The following CCNB1IP1 variants were observed in gnomAD, a reference collection of about 807,000 sequenced individuals.
The protein encoded by CCNB1IP1 is cyclin B1 interacting protein 1.
In CCNB1IP1, 14 loss-of-function variants were observed where a neutral mutation model predicts 25.6. That is an observed-to-expected ratio of 0.55 (90% CI 0.36 to 0.85). The LOEUF is 0.85. CCNB1IP1 is among the 40% of genes least tolerant of loss of function. CCNB1IP1 has a pLI of 0.01. For synonymous variants in CCNB1IP1, 119 were observed against 116.1 expected, an observed-to-expected ratio of 1.02 and a Z score of -0.16; for missense variants, 278 against 342.4, an observed-to-expected ratio of 0.81 and a Z score of 1.48.
At chr14:20,322,185 T>C (rs1346961306) in intron 4 of CCNB1IP1, among the ~76,000 whole-genome samples, 1 of 152,196 alleles carries the variant, frequency 6.6e-6, no homozygotes, top group Non-Finnish European at 1.5e-5. Context: ...ATTCCAGGTT[T>C]TACAATTAAA....
At chr14:20,331,519 G>A (rs1313500080) in intron 1 of CCNB1IP1, among the ~76,000 whole-genome samples, 1 of 151,954 alleles carries the variant, frequency 6.6e-6, no homozygotes, top group Non-Finnish European at 1.5e-5. Flanking sequence ...TTTTAAACAA[G>A]AATATACCAA....
In CCNB1IP1 at chr14:20,311,664, C is replaced by T. The variant is rs372100580; in HGVS notation, c.720G>A (p.Ala240=). The T allele has an allele frequency of 2.1e-4, 339 of 1,613,818 alleles. 3 individuals carry two copies. The South Asian group carries it at 3.4e-3, about 16-fold the overall frequency. Residue 240 remains alanine, a synonymous_variant, in exon 7 of 7, where the codon GCG becomes GCA. Transcript: ENST00000358932. ...DGDFQFRPFF[A]GSPTAPEPSN... ...TGGGTTCAGGTGCTGTGGGAGAACC[C>T]GCAAAAAATGGTCTGAACTGAAAAT... is the stretch of plus-strand genomic sequence containing the variant.
At chr14:20,316,589 T>G (rs1048919499) in intron 4 of CCNB1IP1, 29 bp from the exon 5 acceptor site, 1 of 1,290,122 alleles carries the variant, frequency 7.8e-7, no homozygotes, top group Non-Finnish European at 1.1e-6. Flanking sequence ...AAAGGCCAAG[T>G]AAGTTAAATT....
Position 20,311,505 on chromosome 14 carries a change from C to A in CCNB1IP1, c.*45G>T. The A allele has an allele frequency of 6.5e-7, 1 of 1,540,078 alleles. No individual in the cohort carries two copies. Among genetic ancestry groups the A allele is most frequent in the Non-Finnish European group, 9.0e-7 (1 of 1,115,018 alleles). ...GCTCAAGTGATCCTCCCAGCCTCAA[C>A]CTCCTAAGTAGCTGGGATCACAGGT... On this transcript the variant is annotated 3_prime_UTR_variant, in exon 7 of 7. Coordinates refer to ENST00000358932, the MANE Select transcript of CCNB1IP1 (RefSeq NM_021178.5).
chr14:20,323,017 A>G (rs1882945500), intron 4 of CCNB1IP1, among the ~76,000 whole-genome samples: 1 of 152,224 alleles, frequency 6.6e-6, no homozygotes, highest in Non-Finnish European at 1.5e-5. Context: ...ATGACTTTAG[A>G]GTATAATGTT....
chr14:20,321,728 C>T lies in CCNB1IP1; in HGVS notation c.-38+3811G>A, dbSNP rs147615932. On this transcript the variant is annotated intron_variant, in intron 4 of 6. Transcript: ENST00000358932. ...CGGCCTTCTGAAGTGCTGGGATCAT[C>T]GGCGTGATCAAGAATCTTAATTTAA... is the stretch of plus-strand genomic sequence containing the variant. Among the ~76,000 whole-genome samples the T allele has an allele frequency of 9.5e-3, 1,447 of 152,180 alleles. 14 individuals are homozygous for T. The highest frequency in any genetic ancestry group is 0.011 in the Non-Finnish European group (723 of 67,988).
intron 1 of CCNB1IP1, among the ~76,000 whole-genome samples, chr14:20,331,980 A>T (rs531273751): frequency 5.8e-5 from 7 of 121,180 alleles, no homozygotes; most frequent in South Asian, 2.8e-4. Flanking sequence ...CCTATTCAAA[A>T]ATATATATAT....
Position 20,311,748 on chromosome 14 carries a change from GT to G in CCNB1IP1, c.635del (p.Asn212ThrfsTer51). ...QSGVLGFPLGNNSKFPLDNTP... is the reference protein window; with the variant it reads ...QSGVLGFPLGXNSKFPLDNTP... ...TATTATCCAAAGGAAACTTGGAGTT[GT>G]TACCTAGGGCAGAAAAAAAGGAAAA... On this transcript the variant is annotated frameshift_variant, in exon 7 of 7. Transcript: ENST00000358932. LOFTEE classifies it high-confidence loss of function. 1 of 1,612,208 alleles carries G rather than the reference GT, an allele frequency of 6.2e-7. No individual in the cohort carries two copies. Among genetic ancestry groups the G allele is most frequent in the Non-Finnish European group, 8.5e-7 (1 of 1,178,622 alleles).
chr14:20,317,520 TAAG>T (rs1319497149), intron 4 of CCNB1IP1: 1 of 152,308 alleles, frequency 6.6e-6, no homozygotes, highest in Non-Finnish European at 1.5e-5. Context: ...CAGCCACAGT[TAAG>T]ATTAAGAGGC....
chr14:20,325,059 C>T (rs1020887038), intron 4 of CCNB1IP1, among the ~76,000 whole-genome samples: 3 of 151,914 alleles, frequency 2.0e-5, no homozygotes, highest in African/African-American at 4.8e-5. Flanking sequence ...ACAATCCACC[C>T]ACCTCGGCCT....
chr14:20,312,612 T>C (rs1174794586), intron 6 of CCNB1IP1, among the ~76,000 whole-genome samples: 1 of 152,062 alleles, frequency 6.6e-6, no homozygotes, highest in Non-Finnish European at 1.5e-5. Flanking sequence ...GGCTTCACTT[T>C]TTTGTATGCC....
chr14:20,319,030 C>G (rs1026100942), intron 4 of CCNB1IP1: 1 of 152,244 alleles, frequency 6.6e-6, no homozygotes, highest in Non-Finnish European at 1.5e-5. Flanking sequence ...CCCAACGTGC[C>G]GGGATTACAG....
Position 20,313,754 on chromosome 14 carries a change from C to A in CCNB1IP1, c.345G>T (p.Glu115Asp). 6.2e-7 allele frequency: 1 copy of A among 1,602,344 alleles called. No homozygotes were observed. Among genetic ancestry groups the A allele is most frequent in the Non-Finnish European group, 8.5e-7 (1 of 1,174,664 alleles). The change falls in exon 6 of 7, where the codon GAG becomes GAT. Residue 115 changes from glutamate (E) to aspartate (D), a missense_variant. Coordinates refer to ENST00000358932, the MANE Select transcript of CCNB1IP1 (RefSeq NM_021178.5). ...TCTTCTCCATCTGTTTCAGATGGCC[C>A]TCAGCCTTGCTGAAATTGTATTCTT... ...LYQEYNFSKA[E>D]GHLKQMEKIY...
At chr14:20,322,192 T>G (rs1405200081) in intron 4 of CCNB1IP1, among the ~76,000 whole-genome samples, 1 of 152,180 alleles carries the variant, frequency 6.6e-6, no homozygotes, top group African/African-American at 2.4e-5. Flanking sequence ...GTTTTACAAT[T>G]AAAAACAATA....
intron 1 of CCNB1IP1, among the ~76,000 whole-genome samples, chr14:20,331,980 A>AATATATATATATATGATGTGTATACATAT (rs1883248516): frequency 3.3e-5 from 4 of 121,180 alleles, no homozygotes; most frequent in African/African-American, 1.3e-4. Context: ...CCTATTCAAA[A>AATATATATATATATGATGTGTATACATAT]ATATATATAT....
intron 4 of CCNB1IP1, chr14:20,317,596 C>CT (rs1882751750): frequency 6.6e-6 from 1 of 152,194 alleles, no homozygotes. Context: ...AGCTTTAAAG[C>CT]TGAGCCCTCT....
intron 1 of CCNB1IP1, among the ~76,000 whole-genome samples, chr14:20,332,023 T>TG (rs1883260160): frequency 3.7e-5 from 2 of 54,162 alleles, no homozygotes; most frequent in African/African-American, 1.8e-4. Context: ...TATATATATA[T>TG]ATATTTTTTT....
In CCNB1IP1 at chr14:20,316,574, A is replaced by C. The variant is rs778787015; in HGVS notation, c.-37-14T>G. On this transcript the variant is annotated splice_polypyrimidine_tract_variant and intron_variant, in intron 4 of 6. Transcript: ENST00000358932. ...CTGAAGAGAGGCCTAAGAAGGGGTA[A>C]ATAAAAAGGCCAAGTAAGTTAAATT... 7.4e-6 allele frequency: 11 copies of C among 1,480,262 alleles called. No homozygotes were observed. The highest frequency in any genetic ancestry group is 8.3e-6 in the Non-Finnish European group (9 of 1,084,054). 91.7% of individuals were successfully genotyped at this position (1,480,262 alleles called of 1,614,324 possible). A position where few individuals can be genotyped will look rare whatever the true frequency, so the allele number is the denominator to read the frequency against.
At chr14:20,317,434 G>A (rs1344507322) in intron 4 of CCNB1IP1, among the ~76,000 whole-genome samples, 1 of 152,054 alleles carries the variant, frequency 6.6e-6, no homozygotes, top group Non-Finnish European at 1.5e-5. Context: ...GGCCCTCCAG[G>A]TCGATAGAAA....
Sources: allele counts gnomAD v4.1 joint callset (sites outside exome capture counted in the v4.1 genomes callset), GRCh38; gene constraint gnomAD v4.1.1; transcripts MANE v1.5; gene names NCBI Gene and HGNC (gene_info 2026-07-23, HGNC 2026-07-21).